The following CNTN6 variants were observed in gnomAD, a reference collection of about 807,000 sequenced individuals.
CNTN6 encodes the protein contactin-6.
Under a neutral mutation model 122.8 loss-of-function variants are expected in CNTN6, and 137 were observed. That is an observed-to-expected ratio of 1.12 (90% CI 0.97 to 1.29). CNTN6 has a LOEUF of 1.29. Among genes scored for constraint, CNTN6 ranks in the 50% most tolerant of loss-of-function variants. The pLI, the probability that CNTN6 is intolerant of heterozygous loss-of-function variation, is 0.00. For missense variants in CNTN6, 1,634 were observed against 1,223.4 expected, an observed-to-expected ratio of 1.34 and a Z score of -5.01; for synonymous variants, 570 against 426.0, an observed-to-expected ratio of 1.34 and a Z score of -4.16.
At chr3:1,392,110 C>G (rs1379774214) in intron 20 of CNTN6, among the ~76,000 whole-genome samples, 2 of 152,298 alleles carry the variant, frequency 1.3e-5, no homozygotes, top group South Asian at 2.1e-4. Context: ...CAATTCTAAG[C>G]CAAAAGAACA....
chr3:1,127,117 A>G (rs1397989646), intron 1 of CNTN6, among the ~76,000 whole-genome samples: 4 of 151,820 alleles, frequency 2.6e-5, no homozygotes, highest in Admixed American at 2.6e-4. Flanking sequence ...ATGCTTCTGT[A>G]AAAGTGTTTA....
rs191787345 is a variant in CNTN6, at chr3:1,103,238, G to A, written c.-83+10118G>A. Reference sequence around the variant, plus strand: ...AGGTGTTTTCTAGGCATTTAATGTCGTTAGTCAATTCCTAAACATGCTCAG... The same window carrying A: ...AGGTGTTTTCTAGGCATTTAATGTCATTAGTCAATTCCTAAACATGCTCAG... On this transcript the variant is annotated intron_variant, in intron 1 of 22. Coordinates refer to ENST00000446702, the MANE Select transcript of CNTN6 (RefSeq NM_001289080.2). Among the ~76,000 whole-genome samples, 11 of 152,306 alleles carry A rather than the reference G, an allele frequency of 7.2e-5. No homozygotes were observed. The East Asian group carries it at 2.1e-3, about 29-fold the overall frequency.
intron 4 of CNTN6, among the ~76,000 whole-genome samples, chr3:1,268,533 G>A (rs1180926671): frequency 1.3e-5 from 2 of 148,638 alleles, no homozygotes; most frequent in Non-Finnish European, 3.0e-5. Context: ...CGTGAACCCG[G>A]GAGGAGGAGC....
chr3:1,202,553 A>C (rs1430349470), intron 2 of CNTN6, among the ~76,000 whole-genome samples: 1 of 35,798 alleles, frequency 2.8e-5, no homozygotes, highest in African/African-American at 1.2e-4. Context: ...AAAATAAATA[A>C]ATAAATAAAT....
intron 11 of CNTN6, among the ~76,000 whole-genome samples, chr3:1,350,760 T>A (rs532930947): frequency 6.7e-6 from 1 of 149,778 alleles, no homozygotes; most frequent in African/African-American, 2.4e-5. Context: ...CTGTCATGTG[T>A]TTTTTATTGG....
intron 10 of CNTN6, 59 bp from the exon 11 acceptor site, chr3:1,329,725 CT>C: frequency 7.0e-7 from 1 of 1,435,142 alleles, no homozygotes; most frequent in South Asian, 1.3e-5. Flanking sequence ...CAAGTCACCC[CT>C]GGAGTCACTA....
chr3:1,286,336 A>C (rs1051115999), intron 5 of CNTN6, among the ~76,000 whole-genome samples: 1 of 152,028 alleles, frequency 6.6e-6, no homozygotes, highest in African/African-American at 2.4e-5. Context: ...TCCTAATGCT[A>C]TCCCTCCCTT....
At chr3:1,264,013 A>C (rs1043631140) in intron 4 of CNTN6, among the ~76,000 whole-genome samples, 1 of 151,908 alleles carries the variant, frequency 6.6e-6, no homozygotes, top group African/African-American at 2.4e-5. Flanking sequence ...CGGGGGAAGA[A>C]ACTCATTATG....
chr3:1,269,160 G>A (rs951149788), intron 4 of CNTN6, among the ~76,000 whole-genome samples: 1 of 151,672 alleles, frequency 6.6e-6, no homozygotes, highest in African/African-American at 2.4e-5. Context: ...AGGTACTATT[G>A]TTAGCTAGCT....
intron 11 of CNTN6, among the ~76,000 whole-genome samples, chr3:1,344,924 G>A (rs1429156016): frequency 6.6e-6 from 1 of 151,958 alleles, no homozygotes; most frequent in Non-Finnish European, 1.5e-5. Flanking sequence ...CTGGTCCCTC[G>A]ATCATGTCTC....
chr3:1,205,633 T>G (rs2093947537), intron 2 of CNTN6, among the ~76,000 whole-genome samples: 2 of 152,204 alleles, frequency 1.3e-5, no homozygotes, highest in African/African-American at 4.8e-5. Flanking sequence ...ACATGCTTTA[T>G]GATAGTTTTT....
chr3:1,389,996 A>C (rs1169249484), intron 20 of CNTN6, among the ~76,000 whole-genome samples: 1 of 151,518 alleles, frequency 6.6e-6, no homozygotes, highest in East Asian at 1.9e-4. Context: ...CATTAGACAG[A>C]TCAATGAGAC....
chr3:1,357,549 G>C (rs1197820174), intron 12 of CNTN6, among the ~76,000 whole-genome samples: 1 of 151,856 alleles, frequency 6.6e-6, no homozygotes, highest in Non-Finnish European at 1.5e-5. Context: ...TTGAGGAATA[G>C]GTTGCTAAAA....
rs188712417 is a variant in CNTN6, at chr3:1,198,489, A to G, written c.56-22198A>G. ...TGTAATCTCAGGGCTTTGGGTGGCCAAGGCAGGTGGATCACCTGAGGTTAG... is the reference window on the plus strand; with the variant it reads ...TGTAATCTCAGGGCTTTGGGTGGCCGAGGCAGGTGGATCACCTGAGGTTAG... On this transcript the variant is annotated intron_variant, in intron 2 of 22. Transcript: ENST00000446702. 5.8e-3 allele frequency among the ~76,000 whole-genome samples: 882 copies of G among 152,230 alleles called. 5 individuals are homozygous for G. Among genetic ancestry groups the G allele is most frequent in the Middle Eastern group, 0.034 (10 of 294 alleles).
rs73816803 is a variant in CNTN6, at chr3:1,177,710, A to G, written c.55+29647A>G. ...CTTTCAGCACTTTAAAGACATCACT[A>G]TGTTTTCTTCTTACATGCATGATTT... On this transcript the variant is annotated intron_variant, in intron 2 of 22. Transcript: ENST00000446702. 1.4e-3 allele frequency among the ~76,000 whole-genome samples: 217 copies of G among 151,666 alleles called. 1 individual carries two copies. Among genetic ancestry groups the G allele is most frequent in the African/African-American group, 5.2e-3 (213 of 41,178 alleles).
In CNTN6 at chr3:1,377,003, A is replaced by T; in HGVS notation, c.2096-2A>T. ...TCCCACATTTCTCTTGGTTATTTTT[A>T]GTCCCTGTTGTGGCACCAGTAAACA... On this transcript the variant is annotated splice_acceptor_variant, in intron 16 of 22. Transcript: ENST00000446702. LOFTEE classifies it high-confidence loss of function. The T allele has an allele frequency of 6.3e-7, 1 of 1,589,384 alleles. No individual in the cohort carries two copies.
intron 4 of CNTN6, among the ~76,000 whole-genome samples, chr3:1,246,456 A>C (rs2094584548): frequency 2.0e-5 from 3 of 152,216 alleles, no homozygotes; most frequent in South Asian, 4.1e-4. Flanking sequence ...TGTTATTGGA[A>C]AATTGTATTA....
At chr3:1,248,912 C>T (rs2094619667) in intron 4 of CNTN6, among the ~76,000 whole-genome samples, 1 of 152,140 alleles carries the variant, frequency 6.6e-6, no homozygotes, top group Non-Finnish European at 1.5e-5. Flanking sequence ...GACATTCTGA[C>T]ATCTTAACCG....
intron 11 of CNTN6, among the ~76,000 whole-genome samples, chr3:1,336,172 T>TAAATA (rs375227259): frequency 9.9e-5 from 15 of 151,884 alleles, no homozygotes; most frequent in Non-Finnish European, 4.4e-5. Context: ...TAAAATCAAA[T>TAAATA]AAATAAAATA....
Sources: gnomAD v4.1 joint callset for allele counts (sites outside exome capture counted in the v4.1 genomes callset) on GRCh38, gnomAD v4.1.1 for gene constraint, MANE v1.5 for transcripts, NCBI Gene and HGNC (gene_info 2026-07-23, HGNC 2026-07-21) for gene names.